CATSPER4: variants seen among roughly 807,000 people sequenced by gnomAD.
The protein encoded by CATSPER4 is cation channel sperm-associated protein 4.
A neutral mutation model predicts 54.4 loss-of-function variants in CATSPER4; 46 were observed. The ratio of observed to expected loss-of-function variants is 0.84; its 90% confidence interval spans 0.67 to 1.08. The LOEUF is 1.08. CATSPER4 is among the 50% of genes least tolerant of loss of function. The pLI is 0.00. For missense variants in CATSPER4, 574 were observed against 612.8 expected (o/e 0.94, Z 0.67); for synonymous variants, 230 against 231.9 (o/e 0.99, Z 0.08).
At chr1:26,194,624 G>C (rs896450856) in intron 3 of CATSPER4, among the ~76,000 whole-genome samples, 5 of 152,158 alleles carry the variant, frequency 3.3e-5, no homozygotes, top group Non-Finnish European at 7.3e-5. Flanking sequence ...CTGGATCTGG[G>C]TATGGCACAC....
At chr1:26,200,651 T>C (rs1472319093) in intron 7 of CATSPER4, among the ~76,000 whole-genome samples, 179 bp from the exon 8 acceptor site, 4 of 151,936 alleles carry the variant, frequency 2.6e-5, no homozygotes, top group African/African-American at 4.8e-5. Context: ...GGGGAGGTCA[T>C]GTGCATTTAA....
In CATSPER4 at chr1:26,191,326, A is replaced by G. The variant is rs1435014393; in HGVS notation, c.253A>G (p.Ile85Val). Residue 85 changes from isoleucine to valine, a missense_variant, in exon 2 of 10, where the codon ATC (isoleucine) becomes GTC (valine). Coordinates refer to ENST00000456354, the MANE Select transcript of CATSPER4 (RefSeq NM_198137.2). ...GCAGGAGTTCATCACTCACATGTAC[A>G]TCAAGCAGCTGCTCCGACACCCCGC... ...DMQEFITHMY[I>V]KQLLRHPAFQ... is the part of the protein sequence containing the mutation. 1.9e-6 allele frequency: 3 copies of G among 1,614,120 alleles called. No homozygotes were observed. The highest frequency in any genetic ancestry group is 1.1e-5 in the South Asian group (1 of 91,082).
chr1:26,191,471 G>T, intron 2 of CATSPER4, 41 bp downstream of exon 2: 2 of 1,607,726 alleles, frequency 1.2e-6, no homozygotes, highest in Non-Finnish European at 1.7e-6. Context: ...AACCCTAATG[G>T]GGGGCCTGGG....
At chr1:26,196,531 C>G (rs1269250529) in intron 3 of CATSPER4, among the ~76,000 whole-genome samples, 2 of 149,714 alleles carry the variant, frequency 1.3e-5, no homozygotes, top group African/African-American at 4.9e-5. Flanking sequence ...TCTCAGCCCT[C>G]CAAGTAGCTG....
In CATSPER4 at chr1:26,202,475, C is replaced by G. The variant is rs772391412; in HGVS notation, c.1366-14C>G. On this transcript the variant is annotated splice_polypyrimidine_tract_variant and intron_variant, in intron 9 of 9. Transcript: ENST00000456354. ...GGGAGTGGGGGATTAACAAGAAGAC[C>G]TCTTGGTTTGCAGGTTCATGACTCT... The G allele has an allele frequency of 1.2e-6, 2 of 1,610,270 alleles. No individual in the cohort carries two copies. Among genetic ancestry groups the G allele is most frequent in the Non-Finnish European group, 8.5e-7 (1 of 1,178,092 alleles).
intron 6 of CATSPER4, 31 bp from the exon 7 acceptor site, chr1:26,199,853 A>G (rs878982137): frequency 6.2e-7 from 1 of 1,611,758 alleles, no homozygotes; most frequent in African/African-American, 1.3e-5. Flanking sequence ...AGGGCCAGGG[A>G]AATGATGGGG....
Position 26,191,372 on chromosome 1 carries a change from T to C in CATSPER4, c.299T>C (p.Leu100Pro). The change falls in exon 2 of 10, where the codon CTG becomes CCG. Residue 100 changes from leucine (L) to proline (P), a missense_variant. Coordinates refer to ENST00000456354, the MANE Select transcript of CATSPER4 (RefSeq NM_198137.2). Reference protein sequence around the residue: ...RHPAFQLLLALLLVINAITIA... With the variant: ...RHPAFQLLLAPLLVINAITIA... ...CCCGCCTTCCAACTGCTGCTGGCCC[T>C]GCTGCTGGTGATCAATGCCATCACC... 3.1e-6 allele frequency: 5 copies of C among 1,614,210 alleles called. No homozygotes were observed. The highest frequency in any genetic ancestry group is 4.2e-6 in the Non-Finnish European group (5 of 1,180,028).
chr1:26,201,200 AG>A, intron 8 of CATSPER4, 153 bp from the exon 9 acceptor site: 1 of 964,118 alleles, frequency 1.0e-6, no homozygotes, highest in Non-Finnish European at 1.6e-6. Context: ...TCCAGACTCC[AG>A]GTTCCTTCCA....
intron 9 of CATSPER4, among the ~76,000 whole-genome samples, chr1:26,201,763 C>T (rs2089011774): frequency 6.7e-6 from 1 of 148,530 alleles, no homozygotes; most frequent in Admixed American, 6.8e-5. Flanking sequence ...GATCTCGGCT[C>T]GCTGCCACCT....
chr1:26,194,240 C>T (rs757133395), intron 3 of CATSPER4, among the ~76,000 whole-genome samples: 89 of 152,240 alleles, frequency 5.8e-4, no homozygotes, highest in Non-Finnish European at 1.2e-3. Flanking sequence ...AGATTTTAAG[C>T]TTCATGGCTG....
At chr1:26,201,189 A>C in intron 8 of CATSPER4, 148 bp downstream of exon 8, 1 of 949,848 alleles carries the variant, frequency 1.1e-6, no homozygotes. Flanking sequence ...AGGAACTGGA[A>C]TCCAGACTCC....
chr1:26,199,138 C>T (rs1452924464), intron 6 of CATSPER4, among the ~76,000 whole-genome samples: 1 of 151,910 alleles, frequency 6.6e-6, no homozygotes, highest in Non-Finnish European at 1.5e-5. Context: ...CCCATCTCTA[C>T]TAAAAATACA....
At chr1:26,193,957 T>A in intron 3 of CATSPER4, 69 bp downstream of exon 3, 1 of 1,032,934 alleles carries the variant, frequency 9.7e-7, no homozygotes, top group Non-Finnish European at 1.5e-6. Context: ...GCCCCTGTAC[T>A]CCTGGCCCTA....
chr1:26,202,468 A>G, intron 9 of CATSPER4, 21 bp from the exon 10 acceptor site: 1 of 1,609,404 alleles, frequency 6.2e-7, no homozygotes, highest in Non-Finnish European at 8.5e-7. Flanking sequence ...GGGATTAACA[A>G]GAAGACCTCT....
chr1:26,194,327 G>T (rs1425424162), intron 3 of CATSPER4, among the ~76,000 whole-genome samples: 3 of 152,194 alleles, frequency 2.0e-5, no homozygotes, highest in African/African-American at 7.2e-5. Context: ...AATGAAGTGG[G>T]CATGGCTGTG....
At position 26,201,483 on chromosome 1, in the gene CATSPER4, G is replaced by A; in HGVS notation, c.1329G>A (p.Gln443=). The A allele has an allele frequency of 6.2e-7, 1 of 1,614,068 alleles. No homozygotes were observed. The highest frequency in any genetic ancestry group is 8.5e-7 in the Non-Finnish European group (1 of 1,179,980). ...AGGACATCCGCCAGATGTCTCAACA[G>A]CAAGACTTGCTCAGTGCGCTCGTTA... ...SSKDIRQMSQ[Q]QDLLSALVSM... is the part of the protein sequence containing the mutation. Residue 443 remains glutamine (Q), a synonymous_variant, in exon 9 of 10, where the codon CAG becomes CAA. Transcript: ENST00000456354.
chr1:26,194,956 G>A lies in CATSPER4; in HGVS notation c.459+1068G>A, dbSNP rs767984084. ...AAAAACTAGCTGGGCGTGGTGGCGC[G>A]TGCCTGTAATCCCAGCTACTTAGAG... On this transcript the variant is annotated intron_variant, in intron 3 of 9. Coordinates refer to ENST00000456354, the MANE Select transcript of CATSPER4 (RefSeq NM_198137.2). Among the ~76,000 whole-genome samples the A allele has an allele frequency of 5.3e-4, 80 of 152,060 alleles. 1 individual carries two copies. Among genetic ancestry groups the A allele is most frequent in the Non-Finnish European group, 9.3e-4 (63 of 68,006 alleles).
intron 7 of CATSPER4, 69 bp from the exon 8 acceptor site, chr1:26,200,761 G>A (rs2088997352): frequency 8.1e-7 from 1 of 1,241,624 alleles, no homozygotes; most frequent in Non-Finnish European, 1.2e-6. Context: ...CTGAAGCCAA[G>A]CAGGAAAAGG....
intron 6 of CATSPER4, among the ~76,000 whole-genome samples, 155 bp downstream of exon 6, chr1:26,198,574 C>T: frequency 6.6e-6 from 1 of 152,178 alleles, no homozygotes; most frequent in Non-Finnish European, 1.5e-5. Flanking sequence ...AAGGAAATAC[C>T]TGGACTTGTG....
Sources: allele counts gnomAD v4.1 joint callset (sites outside exome capture counted in the v4.1 genomes callset), GRCh38; gene constraint gnomAD v4.1.1; transcripts MANE v1.5; gene names NCBI Gene and HGNC (gene_info 2026-07-23, HGNC 2026-07-21).